The following XKR6 variants were observed in gnomAD, a reference collection of about 807,000 sequenced individuals.
The protein encoded by XKR6 is XK-related protein 6.
A neutral mutation model predicts 56.7 loss-of-function variants in XKR6; 22 were observed. That is an observed-to-expected ratio of 0.39 (90% CI 0.28 to 0.55). The LOEUF is 0.55. XKR6 is among the 20% of genes least tolerant of loss of function. The pLI is 0.66. For synonymous variants in XKR6, 524 were observed against 387.8 expected (o/e 1.35, Z -4.13); for missense variants, 852 against 889.0 (o/e 0.96, Z 0.53).
intron 1 of XKR6, among the ~76,000 whole-genome samples, chr8:11,084,470 A>G (rs1359395135): frequency 6.6e-6 from 1 of 152,222 alleles, no homozygotes; most frequent in Non-Finnish European, 1.5e-5. Flanking sequence ...ACTATTTACC[A>G]TAGAGCATTT....
chr8:11,014,714 CCTCTGTTAGT>C (rs1798579755), intron 1 of XKR6, among the ~76,000 whole-genome samples: 1 of 152,180 alleles, frequency 6.6e-6, no homozygotes, highest in Admixed American at 6.5e-5. Flanking sequence ...CAGCGTGGAT[CCTCTGTTAGT>C]CATAAGACCC....
At chr8:10,901,625 A>G (rs1193098151) in intron 2 of XKR6, among the ~76,000 whole-genome samples, 1 of 152,322 alleles carries the variant, frequency 6.6e-6, no homozygotes, top group Non-Finnish European at 1.5e-5. Context: ...ACCGACCCAT[A>G]GTAATCAGAT....
At chr8:11,171,380 GCCATTACT>G (rs773263856) in intron 1 of XKR6, among the ~76,000 whole-genome samples, 1 of 152,244 alleles carries the variant, frequency 6.6e-6, no homozygotes, top group Non-Finnish European at 1.5e-5. Flanking sequence ...AGCTCTCAAT[GCCATTACT>G]CCATGCTATA....
At chr8:10,915,273 G>A (rs1800527463) in intron 2 of XKR6, among the ~76,000 whole-genome samples, 1 of 152,216 alleles carries the variant, frequency 6.6e-6, no homozygotes, top group Non-Finnish European at 1.5e-5. Flanking sequence ...AGGTGATTAG[G>A]GAAGTTATTG....
At chr8:11,072,467 C>A (rs1800157656) in intron 1 of XKR6, among the ~76,000 whole-genome samples, 3 of 152,264 alleles carry the variant, frequency 2.0e-5, no homozygotes, top group Non-Finnish European at 2.9e-5. Context: ...AGCAGAGCTC[C>A]TCTCAACAAC....
In XKR6 at chr8:11,200,206, C is replaced by G. The variant is rs1804129522; in HGVS notation, c.764+370G>C. Among the ~76,000 whole-genome samples, 1 of 152,330 alleles carries G rather than the reference C, an allele frequency of 6.6e-6. No homozygotes were observed. The highest frequency in any genetic ancestry group is 1.5e-5 in the Non-Finnish European group (1 of 68,026). ...GCAGCGGCTGGAGGAGGGAAGGCTC[C>G]CCGGGGCCGCGAGCTGGGGTGCAGC... On this transcript the variant is annotated intron_variant, in intron 1 of 2. Transcript: ENST00000416569. The surrounding 1 kb of genome is among the most constrained non-coding windows in gnomAD (Gnocchi z 6.4).
chr8:11,056,026 G>C (rs2129161751), intron 1 of XKR6, among the ~76,000 whole-genome samples: 1 of 152,252 alleles, frequency 6.6e-6, no homozygotes, highest in East Asian at 1.9e-4. Flanking sequence ...CTCGATTCAG[G>C]ATTCCTCTCC....
At position 10,903,641 on chromosome 8, in the gene XKR6, T is replaced by A. The variant is rs1022167238; in HGVS notation, c.962-4725A>T. ...AGGGTGGGCCCTAACCCTGTGTGAC[T>A]GGGTCCTTCTAAGGAGTGGAAATTA... On this transcript the variant is annotated intron_variant, in intron 2 of 2. Transcript: ENST00000416569. 2.0e-4 allele frequency among the ~76,000 whole-genome samples: 31 copies of A among 152,086 alleles called. 1 individual carries two copies. Among genetic ancestry groups the A allele is most frequent in the Non-Finnish European group, 4.4e-5 (3 of 68,028 alleles).
At chr8:11,025,282 G>C (rs891628129) in intron 1 of XKR6, among the ~76,000 whole-genome samples, 1 of 152,218 alleles carries the variant, frequency 6.6e-6, no homozygotes, top group African/African-American at 2.4e-5. Context: ...GGTTACGTTT[G>C]ATGTCCCTGT....
At chr8:10,959,159 T>G (rs1801985397) in intron 1 of XKR6, among the ~76,000 whole-genome samples, 1 of 152,182 alleles carries the variant, frequency 6.6e-6, no homozygotes, top group Admixed American at 6.5e-5. Flanking sequence ...CACGCGGCTT[T>G]CACTGAACAA....
intron 1 of XKR6, among the ~76,000 whole-genome samples, chr8:11,179,953 C>A (rs1384251836): frequency 6.6e-6 from 1 of 151,648 alleles, no homozygotes; most frequent in African/African-American, 2.4e-5. Context: ...GGCAACATGG[C>A]GAGACCCCAT....
chr8:11,150,112 A>G (rs1801199086), intron 1 of XKR6, among the ~76,000 whole-genome samples: 1 of 152,156 alleles, frequency 6.6e-6, no homozygotes, highest in Admixed American at 6.5e-5. Context: ...TGAAGACAGG[A>G]TGGCTAATGG....
At chr8:11,058,622 G>A (rs1258891054) in intron 1 of XKR6, among the ~76,000 whole-genome samples, 1 of 152,200 alleles carries the variant, frequency 6.6e-6, no homozygotes, top group East Asian at 1.9e-4. Flanking sequence ...TCACTCATAA[G>A]TGGGAGCTGA....
intron 1 of XKR6, among the ~76,000 whole-genome samples, chr8:11,090,953 G>A (rs1238464816): frequency 2.6e-5 from 4 of 152,106 alleles, no homozygotes; most frequent in Non-Finnish European, 5.9e-5. Flanking sequence ...TGTGTGCTAC[G>A]TTAACCCAGC....
At chr8:11,049,783 T>C (rs1461104205) in intron 1 of XKR6, among the ~76,000 whole-genome samples, 1 of 152,146 alleles carries the variant, frequency 6.6e-6, no homozygotes, top group African/African-American at 2.4e-5. Flanking sequence ...CCAAATCTGT[T>C]GGGCAGAATT....
Position 11,025,148 on chromosome 8 carries a change from G to T in XKR6, c.765-100318C>A, listed in dbSNP as rs748768737. 2.0e-5 allele frequency among the ~76,000 whole-genome samples: 3 copies of T among 152,184 alleles called. No individual in the cohort carries two copies. The South Asian group carries it at 6.2e-4, about 32-fold the overall frequency. On this transcript the variant is annotated intron_variant, in intron 1 of 2. Transcript: ENST00000416569. ...GACTTATTTCATCATATGTTCAAAT[G>T]CTTGTGACAGACTTCCAGACACTTC...
At chr8:10,999,788 G>GTGACT (rs1798197995) in intron 1 of XKR6, among the ~76,000 whole-genome samples, 1 of 152,176 alleles carries the variant, frequency 6.6e-6, no homozygotes, top group African/African-American at 2.4e-5. Flanking sequence ...GTTGATGCAG[G>GTGACT]TGACTCGGGA....
At chr8:11,184,284 A>G (rs1803149501) in intron 1 of XKR6, among the ~76,000 whole-genome samples, 1 of 152,030 alleles carries the variant, frequency 6.6e-6, no homozygotes, top group Non-Finnish European at 1.5e-5. Context: ...CCTCATGCAG[A>G]CCCCTGGTAC....
intron 1 of XKR6, among the ~76,000 whole-genome samples, chr8:10,968,112 C>T (rs552416517): frequency 5.8e-4 from 89 of 152,270 alleles, no homozygotes; most frequent in African/African-American, 2.0e-3. Flanking sequence ...CAGGGTCTGT[C>T]CCCCTGGATC....
Sources: gnomAD v4.1 joint callset for allele counts (sites outside exome capture counted in the v4.1 genomes callset) on GRCh38, gnomAD v4.1.1 for gene constraint, Gnocchi (gnomAD v3.1) non-coding constraint, MANE v1.5 for transcripts, NCBI Gene and HGNC (gene_info 2026-07-23, HGNC 2026-07-21) for gene names.